Variants in SLC1A3 observed in about 807,000 individuals in gnomAD.
SLC1A3 encodes the protein solute carrier family 1 member 3.
SLC1A3 carries 21 observed loss-of-function variants against 48.1 expected under a neutral mutation model. The observed-to-expected ratio is 0.44, with a 90% CI of 0.31 to 0.63. The LOEUF (loss-of-function observed/expected upper bound fraction) is 0.63, where lower values mean the gene tolerates loss of function less well. Ranked by LOEUF, SLC1A3 falls within the 20% of genes least tolerant of loss-of-function variation. The pLI is 0.08. For synonymous variants in SLC1A3, 239 were observed against 251.4 expected, an observed-to-expected ratio of 0.95 and a Z score of 0.47; for missense variants, 546 against 689.0, an observed-to-expected ratio of 0.79 and a Z score of 2.32.
chr5:36,600,552 G>A (rs559867134), intron 1 of SLC1A3, among the ~76,000 whole-genome samples: 13 of 152,316 alleles, frequency 8.5e-5, no homozygotes, highest in Admixed American at 7.2e-4. Flanking sequence ...GTCATCCTGC[G>A]TTAATTCTAT....
chr5:36,632,875 G>A (rs1372007535), intron 3 of SLC1A3, among the ~76,000 whole-genome samples: 13 of 152,156 alleles, frequency 8.5e-5, no homozygotes, highest in Non-Finnish European at 1.5e-5. Context: ...CCTTTTCCCT[G>A]AATTTGAAAC....
At chr5:36,614,268 T>C (rs892985781) in intron 2 of SLC1A3, among the ~76,000 whole-genome samples, 1 of 152,336 alleles carries the variant, frequency 6.6e-6, no homozygotes, top group African/African-American at 2.4e-5. Context: ...ATCTCTGATA[T>C]GGCTTCAAGC....
chr5:36,657,868 T>C (rs1409794999), intron 3 of SLC1A3, among the ~76,000 whole-genome samples: 1 of 152,228 alleles, frequency 6.6e-6, no homozygotes, highest in African/African-American at 2.4e-5. Context: ...GAAATATTAA[T>C]AGTCACTGTA....
chr5:36,629,544 A>G lies in SLC1A3; in HGVS notation c.276A>G (p.Leu92=), dbSNP rs778125372. 3 of 1,612,344 alleles carry G rather than the reference A, an allele frequency of 1.9e-6. No individual in the cohort carries two copies. Among genetic ancestry groups the G allele is most frequent in the Middle Eastern group, 1.6e-4 (1 of 6,062 alleles). Residue 92 remains leucine, a synonymous_variant, in exon 3 of 10, where the codon TTA becomes TTG. Coordinates refer to ENST00000265113, the MANE Select transcript of SLC1A3 (RefSeq NM_004172.5). Reference sequence around the variant, plus strand: ...CTGGGGAACTTCTGATGAGGATGTTACAGATGCTGGTCTTACCACTTATCA... The same window carrying G: ...CTGGGGAACTTCTGATGAGGATGTTGCAGATGCTGGTCTTACCACTTATCA... The part of the protein sequence containing the change: ...SFPGELLMRM[L]QMLVLPLIIS...
chr5:36,629,375 A>C, intron 2 of SLC1A3, 75 bp from the exon 3 acceptor site: 1 of 1,334,264 alleles, frequency 7.5e-7, no homozygotes, highest in South Asian at 1.3e-5. Flanking sequence ...ATACTTACTC[A>C]TTTTGCTAGG....
At chr5:36,614,385 G>GTGGCTTC (rs1443720363) in intron 2 of SLC1A3, among the ~76,000 whole-genome samples, 1 of 152,184 alleles carries the variant, frequency 6.6e-6, no homozygotes, top group East Asian at 1.9e-4. Flanking sequence ...TGGTTTAGAA[G>GTGGCTTC]TGGCTTCTAT....
intron 3 of SLC1A3, among the ~76,000 whole-genome samples, chr5:36,665,430 T>C (rs1741700709): frequency 6.6e-6 from 1 of 152,368 alleles, no homozygotes; most frequent in East Asian, 1.9e-4. Flanking sequence ...AAAACTGTCC[T>C]TTATCAAGGA....
intron 2 of SLC1A3, among the ~76,000 whole-genome samples, chr5:36,617,599 TATAAAA>T (rs1416713343): frequency 6.6e-6 from 1 of 152,112 alleles, no homozygotes; most frequent in Non-Finnish European, 1.5e-5. Context: ...ATGTTATGAC[TATAAAA>T]ATAAATATGT....
chr5:36,624,091 C>T (rs530110417), intron 2 of SLC1A3, among the ~76,000 whole-genome samples: 1 of 152,180 alleles, frequency 6.6e-6, no homozygotes, highest in Non-Finnish European at 1.5e-5. Flanking sequence ...GATAGCTGGC[C>T]GACCCTACCT....
intron 2 of SLC1A3, among the ~76,000 whole-genome samples, chr5:36,627,531 T>A (rs1739959168): frequency 6.6e-6 from 1 of 152,038 alleles, no homozygotes; most frequent in African/African-American, 2.4e-5. Flanking sequence ...ATAGCCTTCA[T>A]ATATTCATCA....
chr5:36,628,192 G>A (rs1040838199), intron 2 of SLC1A3, among the ~76,000 whole-genome samples: 3 of 152,072 alleles, frequency 2.0e-5, no homozygotes, highest in Non-Finnish European at 2.9e-5. Context: ...TTTTAGCCAC[G>A]TAGATTAAGA....
intron 2 of SLC1A3, among the ~76,000 whole-genome samples, chr5:36,623,712 A>C (rs1739783010): frequency 6.6e-6 from 1 of 151,690 alleles, no homozygotes; most frequent in African/African-American, 2.4e-5. Flanking sequence ...AAAAAAAAAA[A>C]AATTAGCCAT....
At chr5:36,604,402 A>G (rs1314195838), upstream of SLC1A3, among the ~76,000 whole-genome samples, 1 of 152,198 alleles carries the variant, frequency 6.6e-6, no homozygotes, top group Non-Finnish European at 1.5e-5. Flanking sequence ...AAAGGTAGAA[A>G]TACGCGTTGA....
intron 3 of SLC1A3, among the ~76,000 whole-genome samples, chr5:36,663,380 A>ATTTTTTTTTTTTTT (rs1156283585): frequency 1.7e-4 from 12 of 69,338 alleles, no homozygotes; most frequent in African/African-American, 3.0e-4. Context: ...CACGCCCGGC[A>ATTTTTTTTTTTTTT]TTTTTTTTTT....
At chr5:36,612,443 G>T (rs1739241210) in intron 2 of SLC1A3, among the ~76,000 whole-genome samples, 1 of 151,888 alleles carries the variant, frequency 6.6e-6, no homozygotes, top group African/African-American at 2.4e-5. Context: ...AAAGTATCCG[G>T]GTGTAGTGGT....
chr5:36,643,857 G>A (rs901931190), intron 3 of SLC1A3, among the ~76,000 whole-genome samples: 1 of 151,974 alleles, frequency 6.6e-6, no homozygotes, highest in Non-Finnish European at 1.5e-5. Flanking sequence ...AGCCAGGCGT[G>A]GTGGCATGAG....
intron 4 of SLC1A3, 97 bp from the exon 5 acceptor site, chr5:36,673,952 T>G: frequency 1.1e-6 from 1 of 949,876 alleles, no homozygotes; most frequent in Non-Finnish European, 1.7e-6. Flanking sequence ...TGTTGCTTGG[T>G]TCAATGCAAT....
chr5:36,635,681 C>G (rs1232731001), intron 3 of SLC1A3, among the ~76,000 whole-genome samples: 1 of 152,144 alleles, frequency 6.6e-6, no homozygotes, highest in African/African-American at 2.4e-5. Context: ...GAAACTCAGC[C>G]CCAATGTGTA....
upstream of SLC1A3, chr5:36,606,372 T>C (rs1267234345): frequency 6.6e-6 from 1 of 152,274 alleles, no homozygotes; most frequent in Non-Finnish European, 1.5e-5. Flanking sequence ...TTTTCAATTC[T>C]TCCTAGTCCC....
Sources: gnomAD v4.1 joint callset for allele counts (sites outside exome capture counted in the v4.1 genomes callset) on GRCh38, gnomAD v4.1.1 for gene constraint, MANE v1.5 for transcripts, NCBI Gene and HGNC (gene_info 2026-07-23, HGNC 2026-07-21) for gene names.